The following FSTL4 variants were observed in gnomAD, a reference collection of about 807,000 sequenced individuals.
FSTL4 encodes the protein follistatin like 4, also known as follistatin-related protein 4.
A neutral mutation model predicts 78.2 loss-of-function variants in FSTL4; 28 were observed. That is an observed-to-expected ratio of 0.36 (90% confidence interval 0.27 to 0.49). FSTL4 has a LOEUF of 0.49. Among genes scored for constraint, FSTL4 ranks in the 20% least tolerant of loss-of-function variants. The probability of loss-of-function intolerance (pLI) is 0.98; values close to 1 mark genes in which losing one functional copy is unlikely to be tolerated. For synonymous variants in FSTL4, 422 were observed against 440.5 expected, an observed-to-expected ratio of 0.96 and a Z score of 0.53; for missense variants, 922 against 1,084.9, an observed-to-expected ratio of 0.85 and a Z score of 2.11.
chr5:133,840,046 A>G, the FSTL4 span, among the ~76,000 whole-genome samples: 4 of 152,198 alleles, frequency 2.6e-5, no homozygotes, highest in African/African-American at 9.7e-5. Context: ...TGAGAGAGTA[A>G]GAAACAAGGA....
intron 3 of FSTL4, among the ~76,000 whole-genome samples, chr5:133,501,714 T>C (rs1418711827): frequency 6.6e-6 from 1 of 152,226 alleles, no homozygotes; most frequent in East Asian, 1.9e-4. Context: ...TGTGATTATG[T>C]TCTATTTTGT....
the FSTL4 span, among the ~76,000 whole-genome samples, chr5:133,715,512 A>G: frequency 6.6e-6 from 1 of 152,224 alleles, no homozygotes; most frequent in Non-Finnish European, 1.5e-5. Flanking sequence ...ACAGAAAGGC[A>G]TATCTTGATA....
chr5:133,700,647 C>T, the FSTL4 span, among the ~76,000 whole-genome samples: 3 of 152,226 alleles, frequency 2.0e-5, no homozygotes, highest in Non-Finnish European at 4.4e-5. Flanking sequence ...CAAACAGCCC[C>T]CAAGGGGCAG....
intron 6 of FSTL4, among the ~76,000 whole-genome samples, chr5:133,293,278 C>T (rs955086190): frequency 2.0e-5 from 3 of 152,246 alleles, no homozygotes; most frequent in Non-Finnish European, 1.5e-5. Context: ...CTTTTTGTGC[C>T]CTTTTCTGTT....
chr5:133,752,292 C>T, the FSTL4 span, among the ~76,000 whole-genome samples: 1 of 152,134 alleles, frequency 6.6e-6, no homozygotes, highest in Admixed American at 6.5e-5. Flanking sequence ...CACTATGGGC[C>T]CCTGGCTCAG....
At position 133,324,756 on chromosome 5, in the gene FSTL4, C is replaced by T. The variant is rs949219051; in HGVS notation, c.410-8104G>A. Among the ~76,000 whole-genome samples, 4 of 152,322 alleles carry T rather than the reference C, an allele frequency of 2.6e-5. No homozygotes were observed. In the East Asian group the frequency reaches 7.7e-4, roughly 29 times the overall value. On this transcript the variant is annotated intron_variant, in intron 4 of 15. Coordinates refer to ENST00000265342, the MANE Select transcript of FSTL4 (RefSeq NM_015082.2). Reference sequence around the variant, plus strand: ...GGCAGGTGGGCTTGGAGAGTGGCTACGGCCCTGCCCTGAAGAGGAGACAAT... The same window carrying T: ...GGCAGGTGGGCTTGGAGAGTGGCTATGGCCCTGCCCTGAAGAGGAGACAAT...
the FSTL4 span, among the ~76,000 whole-genome samples, chr5:133,771,595 CTT>C: frequency 2.6e-5 from 4 of 152,096 alleles, no homozygotes; most frequent in Admixed American, 6.6e-5. Flanking sequence ...TATCCTGAAA[CTT>C]TACTGAATTT....
At chr5:133,216,055 G>T (rs1750895412) in intron 13 of FSTL4, among the ~76,000 whole-genome samples, 1 of 152,072 alleles carries the variant, frequency 6.6e-6, no homozygotes, top group Non-Finnish European at 1.5e-5. Flanking sequence ...ACATCTTGGG[G>T]GCTATTATTT....
At chr5:133,798,801 G>T in the FSTL4 span, among the ~76,000 whole-genome samples, 1 of 152,102 alleles carries the variant, frequency 6.6e-6, no homozygotes, top group Non-Finnish European at 1.5e-5. Flanking sequence ...TGCCTACCAA[G>T]TAGCTGTCGG....
At chr5:133,825,730 C>A in the FSTL4 span, among the ~76,000 whole-genome samples, 2 of 152,214 alleles carry the variant, frequency 1.3e-5, no homozygotes, top group South Asian at 4.1e-4. Context: ...GGACTTGTGC[C>A]AGGGAGCACG....
chr5:133,632,541 TTG>T, the FSTL4 span, among the ~76,000 whole-genome samples: 1 of 152,362 alleles, frequency 6.6e-6, no homozygotes, highest in East Asian at 1.9e-4. Flanking sequence ...TTCCTAGGAA[TTG>T]TCTTAATTAT....
rs145887799 is a variant in FSTL4 at position 133,418,989 on chromosome 5, C to T, written c.161-18003G>A. Among the ~76,000 whole-genome samples the T allele has an allele frequency of 2.2e-3, 334 of 152,268 alleles. 5 individuals are homozygous for T. In the East Asian group the frequency reaches 0.053, roughly 24 times the overall value. ...CTATAATTTTATATAAATGGGATCACGTAGTAGATGCTCTTGTTTTGTGTG... is the reference window on the plus strand; with the variant it reads ...CTATAATTTTATATAAATGGGATCATGTAGTAGATGCTCTTGTTTTGTGTG... On this transcript the variant is annotated intron_variant, in intron 3 of 15. Transcript: ENST00000265342.
At chr5:133,780,245 C>T in the FSTL4 span, among the ~76,000 whole-genome samples, 1 of 152,068 alleles carries the variant, frequency 6.6e-6, no homozygotes, top group Non-Finnish European at 1.5e-5. Flanking sequence ...GAGGGGTGTA[C>T]ACGAGCAGGG....
At chr5:133,549,091 A>T (rs1237207431) in intron 3 of FSTL4, among the ~76,000 whole-genome samples, 1 of 152,048 alleles carries the variant, frequency 6.6e-6, no homozygotes, top group Non-Finnish European at 1.5e-5. Flanking sequence ...CTTTTTGTTT[A>T]TCCTATTTGG....
At chr5:133,669,840 C>G in the FSTL4 span, among the ~76,000 whole-genome samples, 1 of 152,214 alleles carries the variant, frequency 6.6e-6, no homozygotes, top group Non-Finnish European at 1.5e-5. Context: ...CCTCCCCGCA[C>G]TGCAACCAGA....
At chr5:133,284,177 G>A (rs1753074950) in intron 6 of FSTL4, among the ~76,000 whole-genome samples, 1 of 152,172 alleles carries the variant, frequency 6.6e-6, no homozygotes, top group Non-Finnish European at 1.5e-5. Flanking sequence ...GATGTGGGAG[G>A]GGGCTGCCCA....
chr5:133,399,381 A>T (rs1400315015), intron 4 of FSTL4, among the ~76,000 whole-genome samples: 1 of 152,212 alleles, frequency 6.6e-6, no homozygotes, highest in East Asian at 1.9e-4. Context: ...TTAGCATCAT[A>T]AGCACAGCTG....
chr5:133,713,864 C>T, the FSTL4 span, among the ~76,000 whole-genome samples: 1 of 152,210 alleles, frequency 6.6e-6, no homozygotes, highest in Non-Finnish European at 1.5e-5. Flanking sequence ...ATCCATCATA[C>T]ACTGTAGTGT....
intron 6 of FSTL4, among the ~76,000 whole-genome samples, chr5:133,298,015 C>T (rs1314364541): frequency 6.6e-6 from 1 of 152,190 alleles, no homozygotes; most frequent in Non-Finnish European, 1.5e-5. Flanking sequence ...TCTAGAATGA[C>T]TTGAGAGGCA....
Sources: allele counts gnomAD v4.1 joint callset (sites outside exome capture counted in the v4.1 genomes callset), GRCh38; gene constraint gnomAD v4.1.1; transcripts MANE v1.5; gene names NCBI Gene and HGNC (gene_info 2026-07-23, HGNC 2026-07-21).